PTBP1: variants seen among roughly 807,000 people sequenced by gnomAD.
PTBP1 encodes polypyrimidine tract binding protein 1.
A neutral mutation model predicts 59.8 loss-of-function variants in PTBP1; 8 were observed. That is an observed-to-expected ratio of 0.13 (90% confidence interval 0.08 to 0.24). The LOEUF is 0.24. Ranked by LOEUF, PTBP1 falls within the 10% of genes least tolerant of loss-of-function variation. The pLI, the probability that PTBP1 is intolerant of heterozygous loss-of-function variation, is 1.00. For synonymous variants in PTBP1, 490 were observed against 320.7 expected (o/e 1.53, Z -5.64); for missense variants, 686 against 767.0 (o/e 0.89, Z 1.25).
At position 804,698 on chromosome 19, in the gene PTBP1, A is replaced by ACCAGGTGAGGTGGTCCCATCACCG; in HGVS notation, c.606+2_606+25dup. 6.2e-7 allele frequency: 1 copy of ACCAGGTGAGGTGGTCCCATCACCG among 1,611,892 alleles called. No individual in the cohort carries two copies. Among genetic ancestry groups the ACCAGGTGAGGTGGTCCCATCACCG allele is most frequent in the Non-Finnish European group, 8.5e-7 (1 of 1,178,682 alleles). On this transcript the variant is annotated inframe_insertion, in exon 6 of 15. Coordinates refer to ENST00000356948, the MANE Select transcript of PTBP1 (RefSeq NM_002819.5). ...TACCCTGTGACCCTGGATGTGCTGC[A>ACCAGGTGAGGTGGTCCCATCACCG]CCAGGTGAGGTGGTCCCATCACCGC...
At position 811,895 on chromosome 19, in the gene PTBP1, T is replaced by A. The variant is rs1352193267; in HGVS notation, c.*1069T>A. 1.3e-5 allele frequency: 2 copies of A among 150,452 alleles called. No homozygotes were observed. Among genetic ancestry groups the A allele is most frequent in the African/African-American group, 4.9e-5 (2 of 40,982 alleles). 9.3% of individuals were successfully genotyped at this position (150,452 alleles called of 1,614,324 possible). On this transcript the variant is annotated 3_prime_UTR_variant, in exon 15 of 15. Transcript: ENST00000356948. Reference sequence around the variant, plus strand: ...ATTTCTGTGTTTTGCCTGCCTCTGATGCTGGGACCCGGAAGGCGGGCGCTC... The same window carrying A: ...ATTTCTGTGTTTTGCCTGCCTCTGAAGCTGGGACCCGGAAGGCGGGCGCTC...
rs1481096432 is a variant in PTBP1, at chr19:812,277, C to G, written c.*1451C>G. 1 of 154,728 alleles carries G rather than the reference C, an allele frequency of 6.5e-6. No homozygotes were observed. Among genetic ancestry groups the G allele is most frequent in the East Asian group, 1.9e-4 (1 of 5,190 alleles). The allele number at this position is 154,728 out of a possible 1,614,324, so 9.6% of individuals were successfully genotyped here. A position where few individuals can be genotyped will look rare whatever the true frequency, so the allele number is the denominator to read the frequency against. ...ACGCTGTAGAGGCAGGTTGGCCAGT[C>G]TGTACCTGGACTTCGAATAAATCTT... is the stretch of plus-strand genomic sequence containing the variant. On this transcript the variant is annotated 3_prime_UTR_variant, in exon 15 of 15. Transcript: ENST00000356948.
At chr19:805,998 G>A (rs2034547037) in intron 9 of PTBP1, 1 of 257,092 alleles carries the variant, frequency 3.9e-6, no homozygotes, top group South Asian at 5.7e-5. Flanking sequence ...GGGCCCGGCC[G>A]CCCCAGTGCT....
chr19:805,247 C>T lies in PTBP1; in HGVS notation c.892+60C>T, dbSNP rs1032390902. Reference sequence around the variant, plus strand: ...AGTGGTCTATTAGGGCCGCTCAGTCCGGAGCCCCGGCGGCACGGGCCCGGC... The same window carrying T: ...AGTGGTCTATTAGGGCCGCTCAGTCTGGAGCCCCGGCGGCACGGGCCCGGC... On this transcript the variant is annotated intron_variant, in intron 8 of 14. Coordinates refer to ENST00000356948, the MANE Select transcript of PTBP1 (RefSeq NM_002819.5). 1.1e-4 allele frequency: 177 copies of T among 1,576,780 alleles called. 2 individuals are homozygous for T. Among genetic ancestry groups the T allele is most frequent in the South Asian group, 5.1e-4 (45 of 88,230 alleles).
chr19:811,962 G>A lies in PTBP1; in HGVS notation c.*1136G>A, dbSNP rs1487218599. On this transcript the variant is annotated 3_prime_UTR_variant, in exon 15 of 15. Transcript: ENST00000356948. The stretch of plus-strand genomic sequence containing the variant: ...GCTCTTTCTACCGCCCCCGCGTCCT[G>A]TCCCGGGGGCTCTCCTAGGATCCCC... 6.6e-6 allele frequency: 1 copy of A among 152,400 alleles called. No homozygotes were observed. Among genetic ancestry groups the A allele is most frequent in the Non-Finnish European group, 1.5e-5 (1 of 68,036 alleles). 9.4% of individuals were successfully genotyped at this position (152,400 alleles called of 1,614,324 possible).
At chr19:799,276 C>A in intron 1 of PTBP1, 137 bp from the exon 2 acceptor site, 2 of 813,822 alleles carry the variant, frequency 2.5e-6, no homozygotes, top group South Asian at 1.3e-5. Context: ...TCTAGCGGGG[C>A]CTCGTGCAGC....
At position 803,697 on chromosome 19, in the gene PTBP1, C is replaced by T. The variant is rs351983; in HGVS notation, c.115+61C>T. 25,498 of 1,435,862 alleles carry T rather than the reference C, an allele frequency of 0.018. 3,514 individuals carry two copies. The African/African-American group carries it at 0.3, about 17-fold the overall frequency. The allele number at this position is 1,435,862 out of a possible 1,614,324, so 88.9% of individuals were successfully genotyped here. On this transcript the variant is annotated intron_variant, in intron 3 of 14. Coordinates refer to ENST00000356948, the MANE Select transcript of PTBP1 (RefSeq NM_002819.5). ...GGTGTCTTTCCCTGGAACAACGTTA[C>T]GTTCTTGTTCTGGGACTCTACTTTC... is the stretch of plus-strand genomic sequence containing the variant.
In PTBP1 at chr19:808,894, A is replaced by AGTACTGC. The variant is rs1434229917; in HGVS notation, c.1463+133_1463+139dup. ...CGGGCACCTCTTACCCCAAACCTGAAGTACTGCAAGGCCTGGAGCTTGAGC... is the reference window on the plus strand; with the variant it reads ...CGGGCACCTCTTACCCCAAACCTGAAGTACTGCGTACTGCAAGGCCTGGAGCTTGAGC... On this transcript the variant is annotated intron_variant, in intron 13 of 14. Transcript: ENST00000356948. This position sits in a 1 kb window ranked among gnomAD's most constrained non-coding sequence, Gnocchi z 4.7. 8.6e-5 allele frequency: 70 copies of AGTACTGC among 814,236 alleles called. No individual in the cohort carries two copies. In the Admixed American group the frequency reaches 1.1e-3, roughly 13 times the overall value. The allele number at this position is 814,236 out of a possible 1,614,324, so 50.4% of individuals were successfully genotyped here.
At chr19:803,330 C>T (rs1230239809) in intron 2 of PTBP1, among the ~76,000 whole-genome samples, 2 of 152,208 alleles carry the variant, frequency 1.3e-5, no homozygotes, top group African/African-American at 4.8e-5. Flanking sequence ...GTACCCAGGG[C>T]TTCCAGAATT....
In PTBP1 at chr19:810,978, C is replaced by T; in HGVS notation, c.*152C>T. ...TTACCTGTTTTTAAAAAAATTAAAT[C>T]TAGTTCACCTTGCTCACCCTGCGGT... On this transcript the variant is annotated 3_prime_UTR_variant, in exon 15 of 15. Coordinates refer to ENST00000356948, the MANE Select transcript of PTBP1 (RefSeq NM_002819.5). The T allele has an allele frequency of 3.6e-6, 3 of 822,474 alleles. No individual in the cohort carries two copies. Among genetic ancestry groups the T allele is most frequent in the Non-Finnish European group, 5.3e-6 (3 of 568,606 alleles). 50.9% of individuals were successfully genotyped at this position (822,474 alleles called of 1,614,324 possible). A position where few individuals can be genotyped will look rare whatever the true frequency, so the allele number is the denominator to read the frequency against.
chr19:797,813 C>T (rs1382956257), intron 1 of PTBP1, among the ~76,000 whole-genome samples: 2 of 148,642 alleles, frequency 1.3e-5, no homozygotes, highest in Admixed American at 6.7e-5. Context: ...TGCCCCGCCT[C>T]GGCGGCGCGC....
intron 8 of PTBP1, 124 bp from the exon 9 acceptor site, chr19:805,368 C>G (rs544202602): frequency 8.3e-7 from 1 of 1,198,024 alleles, no homozygotes; most frequent in Non-Finnish European, 1.2e-6. Flanking sequence ...CCTGGAGCAG[C>G]GGATCTGCCC....
chr19:800,030 G>A (rs1299988466), intron 2 of PTBP1, among the ~76,000 whole-genome samples: 1 of 151,888 alleles, frequency 6.6e-6, no homozygotes, highest in African/African-American at 2.4e-5. Context: ...AGGTTCAAGC[G>A]ATTCTCCTGC....
At chr19:800,101 ATTTTTTTT>A (rs35076364) in intron 2 of PTBP1, among the ~76,000 whole-genome samples, 1 of 131,498 alleles carries the variant, frequency 7.6e-6, no homozygotes, top group African/African-American at 2.8e-5. Context: ...TAATTTTTGT[ATTTTTTTT>A]TTTTTTTTTT....
chr19:808,973 G>A lies in PTBP1; in HGVS notation c.1463+211G>A, dbSNP rs2145029948. Among the ~76,000 whole-genome samples, 1 of 152,230 alleles carries A rather than the reference G, an allele frequency of 6.6e-6. No individual in the cohort carries two copies. Among genetic ancestry groups the A allele is most frequent in the Middle Eastern group, 3.4e-3 (1 of 294 alleles). ...GGACACTTTGGAGGTTTTGGCTCAG[G>A]GGATGCTCCCTGTGAGAATGTATAA... On this transcript the variant is annotated intron_variant, in intron 13 of 14. Transcript: ENST00000356948. This position sits in a 1 kb window ranked among gnomAD's most constrained non-coding sequence, Gnocchi z 4.7.
chr19:797,453 T>TTCCGGCGCCTCCACTCCG lies in PTBP1; in HGVS notation c.-41_-24dup. 1 of 1,598,782 alleles carries TTCCGGCGCCTCCACTCCG rather than the reference T, an allele frequency of 6.3e-7. No individual in the cohort carries two copies. Among genetic ancestry groups the TTCCGGCGCCTCCACTCCG allele is most frequent in the Non-Finnish European group, 8.5e-7 (1 of 1,174,682 alleles). On this transcript the variant is annotated 5_prime_UTR_variant, in exon 1 of 15. Transcript: ENST00000356948. ...GGAGCCGTTGGGTCGGTTCCTGCTA[T>TTCCGGCGCCTCCACTCCG]TCCGGCGCCTCCACTCCGTCCCCCG...
chr19:800,809 T>A (rs1328677525), intron 2 of PTBP1, among the ~76,000 whole-genome samples: 1 of 152,208 alleles, frequency 6.6e-6, no homozygotes, highest in African/African-American at 2.4e-5. Context: ...GGGCCTGCTT[T>A]CCAGCTGGAG....
chr19:800,686 A>G (rs148715625), intron 2 of PTBP1, among the ~76,000 whole-genome samples: 21 of 152,318 alleles, frequency 1.4e-4, no homozygotes, highest in East Asian at 3.9e-4. Context: ...CTTCCTGGAG[A>G]TAAAACCTGT....
rs1330922046 is a variant in PTBP1 at position 808,595 on chromosome 19, C to G, written c.1296C>G (p.Ile432Met). Residue 432 changes from isoleucine to methionine, a missense_variant, in exon 13 of 15, where the codon ATC becomes ATG. By Grantham distance (10) the Ile-to-Met change is conservative. Coordinates refer to ENST00000356948, the MANE Select transcript of PTBP1 (RefSeq NM_002819.5). The surrounding 1 kb of genome is among the most constrained non-coding windows in gnomAD (Gnocchi z 4.7). The part of the protein sequence containing the change: ...GHKLHGKPIR[I>M]TLSKHQNVQL... ...AGCTGCACGGGAAGCCCATCCGCAT[C>G]ACGCTCTCGAAGCACCAGAACGTGC... The G allele has an allele frequency of 6.2e-7, 1 of 1,607,734 alleles. No individual in the cohort carries two copies. Among genetic ancestry groups the G allele is most frequent in the Non-Finnish European group, 8.5e-7 (1 of 1,178,500 alleles).
Sources: gnomAD v4.1 joint callset for allele counts (sites outside exome capture counted in the v4.1 genomes callset) on GRCh38, gnomAD v4.1.1 for gene constraint, Gnocchi (gnomAD v3.1) non-coding constraint, MANE v1.5 for transcripts, NCBI Gene and HGNC (gene_info 2026-07-23, HGNC 2026-07-21) for gene names.